The following JARID2 variants were observed in gnomAD, a reference collection of about 807,000 sequenced individuals.
JARID2 encodes the protein protein Jumonji.
A neutral mutation model predicts 125.6 loss-of-function variants in JARID2; 21 were observed. The observed-to-expected ratio is 0.17, with a 90% CI of 0.12 to 0.24. The LOEUF is 0.24. Among genes scored for constraint, JARID2 ranks in the 10% least tolerant of loss-of-function variants. The pLI, the probability that JARID2 is intolerant of heterozygous loss-of-function variation, is 1.00. For missense variants in JARID2, 1,303 were observed against 1,639.6 expected (o/e 0.79, Z 3.55); for synonymous variants, 736 against 661.6 (o/e 1.11, Z -1.73).
intron 2 of JARID2, among the ~76,000 whole-genome samples, chr6:15,383,569 C>T (rs1461472898): frequency 1.3e-5 from 2 of 152,114 alleles, no homozygotes; most frequent in Non-Finnish European, 2.9e-5. Context: ...AAGAAAATGT[C>T]TAAAAGGTTT....
chr6:15,327,557 G>C (rs1393171184), intron 1 of JARID2, among the ~76,000 whole-genome samples: 2 of 135,940 alleles, frequency 1.5e-5, no homozygotes, highest in African/African-American at 2.8e-5. Flanking sequence ...GTGTGCGCGT[G>C]TGTGTGCGTG....
chr6:15,420,332 G>A (rs1307050554), intron 3 of JARID2, among the ~76,000 whole-genome samples: 14 of 151,694 alleles, frequency 9.2e-5, no homozygotes, highest in African/African-American at 3.1e-4. Flanking sequence ...GAACCCAGGA[G>A]GCGGAGGTTG....
Position 15,281,924 on chromosome 6 carries a change from C to G in JARID2, c.45+35340C>G, listed in dbSNP as rs903328573. 3.0e-3 allele frequency among the ~76,000 whole-genome samples: 439 copies of G among 146,280 alleles called. 2 individuals are homozygous for G. Among genetic ancestry groups the G allele is most frequent in the African/African-American group, 0.011 (421 of 39,524 alleles). On this transcript the variant is annotated intron_variant, in intron 1 of 17. Coordinates refer to ENST00000341776, the MANE Select transcript of JARID2 (RefSeq NM_004973.4). ...AAGTGCAGGGTCCAGGGTATGTGCT[C>G]TGTGTGTGTGTGTGTGTGTGTGTGT...
intron 1 of JARID2, among the ~76,000 whole-genome samples, chr6:15,291,328 C>T (rs571532807): frequency 1.3e-5 from 2 of 152,296 alleles, no homozygotes; most frequent in East Asian, 3.9e-4. Context: ...TAAAAATGCT[C>T]CTTTACTCAT....
chr6:15,363,921 T>C (rs545251192), intron 1 of JARID2, among the ~76,000 whole-genome samples: 1 of 152,152 alleles, frequency 6.6e-6, no homozygotes, highest in East Asian at 1.9e-4. Flanking sequence ...TTTATCTGTT[T>C]CTGGAAAAAA....
rs1771734673 is a variant in JARID2 at position 15,519,629 on chromosome 6, A to G, written c.3559-440A>G. 2.0e-5 allele frequency among the ~76,000 whole-genome samples: 3 copies of G among 152,198 alleles called. No homozygotes were observed. The South Asian group carries it at 6.2e-4, about 32-fold the overall frequency. ...TGATTCTCTTGAGTGAATTACAAGG[A>G]TATGTATAGGTTGAGAAGTGTTTGC... is the stretch of plus-strand genomic sequence containing the variant. On this transcript the variant is annotated intron_variant, in intron 17 of 17. Coordinates refer to ENST00000341776, the MANE Select transcript of JARID2 (RefSeq NM_004973.4).
intron 7 of JARID2, among the ~76,000 whole-genome samples, chr6:15,498,861 A>T (rs938931442): frequency 6.6e-6 from 1 of 152,208 alleles, no homozygotes; most frequent in African/African-American, 2.4e-5. Flanking sequence ...GGGACACAGG[A>T]TGACTGAGTC....
At chr6:15,452,623 C>A (rs146402862) in intron 4 of JARID2, among the ~76,000 whole-genome samples, 1 of 152,158 alleles carries the variant, frequency 6.6e-6, no homozygotes, top group South Asian at 2.1e-4. Context: ...ACGGTTCTCT[C>A]AGCCCTATAT....
intron 2 of JARID2, among the ~76,000 whole-genome samples, chr6:15,404,519 GCACACACACACACACACACACACACACA>G (rs3138770): frequency 2.7e-4 from 37 of 138,270 alleles, no homozygotes; most frequent in East Asian, 4.3e-4. Context: ...ATCTTAAAGT[GCACACACACACACACACACACACACACA>G]CACACACACA....
intron 2 of JARID2, among the ~76,000 whole-genome samples, chr6:15,392,436 C>G (rs978835137): frequency 6.6e-6 from 1 of 152,076 alleles, no homozygotes. Context: ...CACCTTCTGT[C>G]CGACTTGCCC....
At chr6:15,434,268 A>T (rs1767107729) in intron 3 of JARID2, among the ~76,000 whole-genome samples, 1 of 152,098 alleles carries the variant, frequency 6.6e-6, no homozygotes, top group Non-Finnish European at 1.5e-5. Context: ...ACAATTCCAT[A>T]TACTCCTCAA....
intron 8 of JARID2, among the ~76,000 whole-genome samples, chr6:15,503,977 T>C (rs574983502): frequency 1.3e-5 from 2 of 152,328 alleles, no homozygotes; most frequent in East Asian, 3.9e-4. Context: ...GGTCGCAACC[T>C]CAGTGAAGGC....
intron 5 of JARID2, among the ~76,000 whole-genome samples, chr6:15,481,925 C>G (rs559711687): frequency 6.6e-6 from 1 of 152,326 alleles, no homozygotes; most frequent in South Asian, 2.1e-4. Context: ...GCCTCCCTCT[C>G]GTCTCCGTTT....
rs150858549 is a variant in JARID2, at chr6:15,475,836, G to A, written c.670+7118G>A. 1.1e-3 allele frequency among the ~76,000 whole-genome samples: 166 copies of A among 152,244 alleles called. 1 individual carries two copies. The highest frequency in any genetic ancestry group is 1.9e-3 in the Non-Finnish European group (132 of 68,022). On this transcript the variant is annotated intron_variant, in intron 5 of 17. Coordinates refer to ENST00000341776, the MANE Select transcript of JARID2 (RefSeq NM_004973.4). ...TCAAATATAGAGGCAGATGATCTTC[G>A]TGTCCTTTTGGTTTCTGACTTGGGT...
intron 1 of JARID2, among the ~76,000 whole-genome samples, chr6:15,323,571 G>C (rs1013271537): frequency 1.3e-5 from 2 of 152,168 alleles, no homozygotes; most frequent in Non-Finnish European, 2.9e-5. Flanking sequence ...TTGGACTTAA[G>C]CATAAGACTT....
At chr6:15,492,305 A>T (rs1430672479) in intron 6 of JARID2, among the ~76,000 whole-genome samples, 1 of 152,244 alleles carries the variant, frequency 6.6e-6, no homozygotes, top group African/African-American at 2.4e-5. Context: ...GCTGTAGCCC[A>T]CGTCGGCGCT....
rs1764115857 is a variant in JARID2 at position 15,370,278 on chromosome 6, TG to T, written c.46-3838del. On this transcript the variant is annotated intron_variant, in intron 1 of 17. Transcript: ENST00000341776. ...AATGGAAAGGAAGGTCTGTATTGGG[TG>T]TATGTATTTTGAGTTTGCTTGACCT... 2.0e-5 allele frequency among the ~76,000 whole-genome samples: 3 copies of T among 150,834 alleles called. No individual in the cohort carries two copies. The South Asian group carries it at 6.3e-4, about 32-fold the overall frequency.
intron 3 of JARID2, among the ~76,000 whole-genome samples, chr6:15,449,624 C>T (rs759690927): frequency 1.3e-5 from 2 of 151,858 alleles, no homozygotes; most frequent in African/African-American, 2.4e-5. Context: ...GCTATGATAG[C>T]GTCACTGCAC....
intron 2 of JARID2, among the ~76,000 whole-genome samples, chr6:15,376,576 T>C (rs1764363428): frequency 1.3e-5 from 2 of 152,030 alleles, no homozygotes; most frequent in South Asian, 4.2e-4. Flanking sequence ...AATAATAAAT[T>C]AGCCAGGCAT....
Sources: gnomAD v4.1 joint callset for allele counts (sites outside exome capture counted in the v4.1 genomes callset) on GRCh38, gnomAD v4.1.1 for gene constraint, MANE v1.5 for transcripts, NCBI Gene and HGNC (gene_info 2026-07-23, HGNC 2026-07-21) for gene names.